Variants in CHN2 observed in about 807,000 individuals in gnomAD.
The protein encoded by CHN2 is beta-chimaerin.
In CHN2, 35 loss-of-function variants were observed where a neutral mutation model predicts 56.3. The ratio of observed to expected loss-of-function variants is 0.62; its 90% CI spans 0.47 to 0.82. The LOEUF (loss-of-function observed/expected upper bound fraction) is 0.82, where lower values mean the gene tolerates loss of function less well. CHN2 is among the 40% of genes least tolerant of loss of function. CHN2 has a pLI of 0.00. For missense variants in CHN2, 491 were observed against 580.5 expected, an observed-to-expected ratio of 0.85 and a Z score of 1.58; for synonymous variants, 210 against 212.8, an observed-to-expected ratio of 0.99 and a Z score of 0.12.
intron 1 of CHN2, among the ~76,000 whole-genome samples, chr7:29,296,711 T>C (rs1259820968): frequency 6.6e-6 from 1 of 152,236 alleles, no homozygotes; most frequent in Non-Finnish European, 1.5e-5. Context: ...TCATAGCTTA[T>C]GTGTACTCCA....
rs555493344 is a variant in CHN2 at position 29,215,547 on chromosome 7, G to A, written c.49+20557G>A. ...CTCACCTAAGTCTGTTTCCTAAGGT[G>A]TTTTCTTCTATCTGAGTTACAATTT... On this transcript the variant is annotated intron_variant, in intron 1 of 12. Transcript: ENST00000222792. Among the ~76,000 whole-genome samples the A allele has an allele frequency of 4.6e-5, 7 of 152,184 alleles. No homozygotes were observed. In the South Asian group the frequency reaches 1.4e-3, roughly 32 times the overall value.
At chr7:29,506,634 C>A (rs531595977) in intron 10 of CHN2, among the ~76,000 whole-genome samples, 11 of 152,280 alleles carry the variant, frequency 7.2e-5, no homozygotes, top group African/African-American at 2.4e-4. Flanking sequence ...GAGATTCTGT[C>A]TCACACACAC....
chr7:29,250,737 G>C (rs955388407), intron 1 of CHN2, among the ~76,000 whole-genome samples: 1 of 144,642 alleles, frequency 6.9e-6, no homozygotes, highest in Non-Finnish European at 1.5e-5. Context: ...TTGAGGCAGA[G>C]TCTTCCTCTG....
chr7:29,433,579 G>A (rs1782998369), intron 6 of CHN2, among the ~76,000 whole-genome samples: 1 of 152,192 alleles, frequency 6.6e-6, no homozygotes, highest in South Asian at 2.1e-4. Context: ...ACTCACGCCT[G>A]TAATCCTGGC....
chr7:29,150,749 A>G (rs1187087295), intron 2 of CHN2, among the ~76,000 whole-genome samples: 2 of 152,200 alleles, frequency 1.3e-5, no homozygotes, highest in African/African-American at 4.8e-5. Context: ...CAAGGCTTCT[A>G]TAGCCATTGT....
chr7:29,393,682 GA>G lies in CHN2; in HGVS notation c.152del (p.Asn51ThrfsTer53). 3.4e-6 allele frequency: 3 copies of G among 892,412 alleles called. No individual in the cohort carries two copies. The highest frequency in any genetic ancestry group is 4.5e-5 in the Admixed American group (2 of 44,302). 55.3% of individuals were successfully genotyped at this position (892,412 alleles called of 1,614,324 possible). A position where few individuals can be genotyped will look rare whatever the true frequency, so the allele number is the denominator to read the frequency against. On this transcript the variant is annotated frameshift_variant, in exon 4 of 13. Coordinates refer to ENST00000222792, the MANE Select transcript of CHN2 (RefSeq NM_004067.4). LOFTEE classifies it high-confidence loss of function. ...PKRIICPREV[E>X]NRPKYYGREF... ...TTTTTTTTTCTTTTTAATATAGGTG[GA>G]AAACAGACCAAAATATTATGGAAGA...
intron 2 of CHN2, among the ~76,000 whole-genome samples, chr7:29,360,988 G>C (rs1010588981): frequency 2.6e-5 from 4 of 152,180 alleles, no homozygotes; most frequent in African/African-American, 9.6e-5. Context: ...GTTCCCCAGT[G>C]GCTGCCACCC....
In CHN2 at chr7:29,452,458, A is replaced by G. The variant is rs543702199; in HGVS notation, c.577-27821A>G. ...TTTCCTCACCCAAGTCTCATCCTGT[A>G]GTACACCTGCAGTATGCCTGTAATG... is the stretch of plus-strand genomic sequence containing the variant. On this transcript the variant is annotated intron_variant, in intron 6 of 12. Coordinates refer to ENST00000222792, the MANE Select transcript of CHN2 (RefSeq NM_004067.4). 2.0e-4 allele frequency among the ~76,000 whole-genome samples: 31 copies of G among 152,222 alleles called. 1 individual carries two copies. Among genetic ancestry groups the G allele is most frequent in the Non-Finnish European group, 4.6e-4 (31 of 68,024 alleles).
At chr7:29,354,474 G>A (rs1000762838) in intron 1 of CHN2, 151 bp from the exon 2 acceptor site, 1 of 673,784 alleles carries the variant, frequency 1.5e-6, no homozygotes, top group East Asian at 2.8e-5. Context: ...CCCCTCCCCT[G>A]TGTCTGGAAC....
At chr7:29,173,107 G>T (rs1411066055) in intron 2 of CHN2, among the ~76,000 whole-genome samples, 4 of 150,754 alleles carry the variant, frequency 2.7e-5, no homozygotes, top group Non-Finnish European at 5.9e-5. Flanking sequence ...CTCCAGCCTG[G>T]GTGACAGAGC....
intron 2 of CHN2, among the ~76,000 whole-genome samples, chr7:29,171,825 A>AGTT (rs1414421046): frequency 6.6e-6 from 1 of 152,196 alleles, no homozygotes; most frequent in Non-Finnish European, 1.5e-5. Context: ...TAAGAAATGA[A>AGTT]GTTGTTGTAG....
At chr7:29,301,342 T>TACACACACAC (rs10570363) in intron 1 of CHN2, among the ~76,000 whole-genome samples, 110 of 141,704 alleles carry the variant, frequency 7.8e-4, no homozygotes, top group African/African-American at 2.7e-3. Flanking sequence ...CTCAAACAGG[T>TACACACACAC]ACACACACAC....
chr7:29,511,848 T>C (rs1283498980), intron 12 of CHN2, among the ~76,000 whole-genome samples: 36 of 152,328 alleles, frequency 2.4e-4, no homozygotes, highest in Non-Finnish European at 7.3e-5. Flanking sequence ...GATTGTAATT[T>C]TATTCCATGA....
chr7:29,470,679 T>G (rs1007702156), intron 6 of CHN2, among the ~76,000 whole-genome samples: 1 of 152,240 alleles, frequency 6.6e-6, no homozygotes, highest in Non-Finnish European at 1.5e-5. Flanking sequence ...ATTGCCATAA[T>G]TTGGACAAGA....
At chr7:29,323,166 C>G (rs116351656) in intron 1 of CHN2, among the ~76,000 whole-genome samples, 3,803 of 151,254 alleles carry the variant, frequency 0.025, 143 homozygotes, top group African/African-American at 0.08. Flanking sequence ...CCGTTCCCCC[C>G]CAACAAAAAA....
At position 29,389,014 on chromosome 7, in the gene CHN2, G is replaced by A. The variant is rs1234357569; in HGVS notation, c.145-4665G>A. 2.0e-5 allele frequency among the ~76,000 whole-genome samples: 3 copies of A among 152,192 alleles called. No individual in the cohort carries two copies. The East Asian group carries it at 5.8e-4, about 29-fold the overall frequency. On this transcript the variant is annotated intron_variant, in intron 3 of 12. Transcript: ENST00000222792. ...CCCTTCAGTCACCTTGGGAAGCTCT[G>A]CTTTCATTTCTGCCAAGTTCCCATT...
chr7:29,223,065 A>G (rs1304222768), intron 1 of CHN2, among the ~76,000 whole-genome samples: 2 of 152,206 alleles, frequency 1.3e-5, no homozygotes, highest in African/African-American at 4.8e-5. Context: ...AAGCTTTCAG[A>G]GAAGAGAATA....
At chr7:29,417,182 C>A (rs569502617) in intron 6 of CHN2, among the ~76,000 whole-genome samples, 6 of 152,290 alleles carry the variant, frequency 3.9e-5, no homozygotes, top group African/African-American at 1.4e-4. Context: ...GCAGGACTTG[C>A]TGCAGCAAAT....
chr7:29,310,517 C>A (rs1333998136), intron 1 of CHN2, among the ~76,000 whole-genome samples: 1 of 152,094 alleles, frequency 6.6e-6, no homozygotes, highest in African/African-American at 2.4e-5. Flanking sequence ...AACGGTAGTT[C>A]CCAAATTTTC....
Sources: allele counts gnomAD v4.1 joint callset (sites outside exome capture counted in the v4.1 genomes callset), GRCh38; gene constraint gnomAD v4.1.1; transcripts MANE v1.5; gene names NCBI Gene and HGNC (gene_info 2026-07-23, HGNC 2026-07-21).